The following RIMS1 variants were observed in gnomAD, a reference collection of about 807,000 sequenced individuals.
The protein encoded by RIMS1 is regulating synaptic membrane exocytosis 1, also known as regulating synaptic membrane exocytosis protein 1.
RIMS1 carries 83 observed loss-of-function variants against 214.1 expected under a neutral mutation model. The observed-to-expected ratio is 0.39, with a 90% confidence interval of 0.32 to 0.47. The LOEUF is 0.47. Ranked by LOEUF, RIMS1 falls within the 20% of genes least tolerant of loss-of-function variation. The probability of loss-of-function intolerance (pLI) is 0.99; values close to 1 mark genes in which losing one functional copy is unlikely to be tolerated. For missense variants in RIMS1, 2,050 were observed against 2,161.8 expected (o/e 0.95, Z 1.03); for synonymous variants, 793 against 786.8 (o/e 1.01, Z -0.13).
intron 28 of RIMS1, among the ~76,000 whole-genome samples, chr6:72,318,803 A>G (rs994012599): frequency 1.3e-5 from 2 of 152,294 alleles, no homozygotes; most frequent in East Asian, 3.9e-4. Context: ...CCAAAGATTC[A>G]TCATTCACTT....
At chr6:72,163,497 T>C (rs558064388) in intron 4 of RIMS1, among the ~76,000 whole-genome samples, 1 of 141,308 alleles carries the variant, frequency 7.1e-6, no homozygotes, top group African/African-American at 2.4e-5. Context: ...CTCTGGTTTT[T>C]CCCCACCTTT....
intron 2 of RIMS1, among the ~76,000 whole-genome samples, chr6:72,043,292 G>A (rs1821979342): frequency 6.6e-6 from 1 of 151,722 alleles, no homozygotes; most frequent in African/African-American, 2.4e-5. Flanking sequence ...AAGAGAAAAG[G>A]TATGATAAAG....
intron 9 of RIMS1, among the ~76,000 whole-genome samples, chr6:72,239,721 T>A (rs997601140): frequency 4.6e-5 from 7 of 152,192 alleles, no homozygotes; most frequent in Non-Finnish European, 7.3e-5. Context: ...ACTGACACTC[T>A]GTTTATTATG....
intron 2 of RIMS1, among the ~76,000 whole-genome samples, chr6:71,976,678 A>G (rs1310918727): frequency 6.6e-6 from 1 of 152,108 alleles, no homozygotes; most frequent in Non-Finnish European, 1.5e-5. Context: ...ATCAAATGCC[A>G]TTAAGATTTC....
At chr6:72,008,873 T>C (rs911844424) in intron 2 of RIMS1, among the ~76,000 whole-genome samples, 1 of 152,052 alleles carries the variant, frequency 6.6e-6, no homozygotes. Context: ...ACAATAATAA[T>C]GGGAGACTTT....
At chr6:72,029,964 G>A (rs1817613698) in intron 2 of RIMS1, among the ~76,000 whole-genome samples, 1 of 152,178 alleles carries the variant, frequency 6.6e-6, no homozygotes. Context: ...GGGACAAGAT[G>A]CATGTAGAGA....
rs142713052 is a variant in RIMS1 at position 72,190,651 on chromosome 6, T to C, written c.1678+7502T>C. ...CTGATGAGACCATAGGTGCATGCTG[T>C]GGGGGAGAAGGCAGGGTGGCAGGAG... On this transcript the variant is annotated intron_variant, in intron 6 of 33. Coordinates refer to ENST00000521978, the MANE Select transcript of RIMS1 (RefSeq NM_014989.7). Among the ~76,000 whole-genome samples the C allele has an allele frequency of 7.2e-3, 1,089 of 152,116 alleles. 9 individuals are homozygous for C. Among genetic ancestry groups the C allele is most frequent in the Middle Eastern group, 0.017 (5 of 294 alleles).
chr6:72,206,870 G>A (rs2053013922), intron 6 of RIMS1, among the ~76,000 whole-genome samples: 1 of 152,182 alleles, frequency 6.6e-6, no homozygotes, highest in African/African-American at 2.4e-5. Context: ...AGTGGGTTGG[G>A]TGGCTTCAGC....
chr6:72,351,411 A>G (rs1011070568), intron 29 of RIMS1, among the ~76,000 whole-genome samples: 3 of 152,188 alleles, frequency 2.0e-5, no homozygotes, highest in African/African-American at 7.2e-5. Flanking sequence ...ATAATTACTA[A>G]TAAGAATGGC....
intron 27 of RIMS1, among the ~76,000 whole-genome samples, chr6:72,310,687 T>A (rs2095467597): frequency 6.6e-6 from 1 of 152,254 alleles, no homozygotes; most frequent in South Asian, 2.1e-4. Flanking sequence ...TGAGGAATTA[T>A]GTTCCTCAAA....
At position 72,209,044 on chromosome 6, in the gene RIMS1, C is replaced by CT. The variant is rs553335657; in HGVS notation, c.1679-24725dup. Among the ~76,000 whole-genome samples the CT allele has an allele frequency of 2.4e-3, 371 of 152,238 alleles. 1 individual carries two copies. The highest frequency in any genetic ancestry group is 0.02 in the Middle Eastern group (6 of 294). On this transcript the variant is annotated intron_variant, in intron 6 of 33. Coordinates refer to ENST00000521978, the MANE Select transcript of RIMS1 (RefSeq NM_014989.7). ...TCATTGAAGATCTCTTTTAAACATG[C>CT]TTTTCCTTTAACACACTGTAAAACA...
At chr6:72,397,420 T>C (rs2098792002) in intron 31 of RIMS1, among the ~76,000 whole-genome samples, 1 of 152,246 alleles carries the variant, frequency 6.6e-6, no homozygotes, top group Admixed American at 6.5e-5. Flanking sequence ...TTGATACTGA[T>C]ATTAGACATA....
At position 71,903,186 on chromosome 6, in the gene RIMS1, T is replaced by C. The variant is rs182981941; in HGVS notation, c.164+15999T>C. ...CTTTTTCTCTGCAACCCCACCAGCA[T>C]CTGTTGTTTCTTGACTTTTCAATAA... On this transcript the variant is annotated intron_variant, in intron 1 of 33. Coordinates refer to ENST00000521978, the MANE Select transcript of RIMS1 (RefSeq NM_014989.7). 3.9e-4 allele frequency among the ~76,000 whole-genome samples: 60 copies of C among 152,260 alleles called. 1 individual carries two copies. Among genetic ancestry groups the C allele is most frequent in the Admixed American group, 2.6e-3 (40 of 15,288 alleles).
At position 71,910,230 on chromosome 6, in the gene RIMS1, G is replaced by A. The variant is rs956094514; in HGVS notation, c.164+23043G>A. 2.0e-5 allele frequency among the ~76,000 whole-genome samples: 3 copies of A among 152,020 alleles called. No homozygotes were observed. The East Asian group carries it at 5.8e-4, about 29-fold the overall frequency. On this transcript the variant is annotated intron_variant, in intron 1 of 33. Transcript: ENST00000521978. The stretch of plus-strand genomic sequence containing the variant: ...TCTGTTAGATAAGCTGACAACCTTA[G>A]GTTTAAGTAGAAATACAAAAACTCT...
At chr6:72,390,792 A>AT in intron 30 of RIMS1, 56 bp downstream of exon 30, 4 of 1,581,588 alleles carry the variant, frequency 2.5e-6, no homozygotes, top group Non-Finnish European at 2.6e-6. Flanking sequence ...TGTACTAATC[A>AT]GTAAGATAAC....
intron 2 of RIMS1, among the ~76,000 whole-genome samples, chr6:72,065,248 A>G (rs1314875066): frequency 2.0e-5 from 3 of 152,160 alleles, no homozygotes; most frequent in African/African-American, 7.2e-5. Flanking sequence ...ATTCTTGTCA[A>G]GGCTCCTGTC....
intron 4 of RIMS1, among the ~76,000 whole-genome samples, chr6:72,120,736 G>A (rs2038103230): frequency 6.6e-6 from 1 of 151,800 alleles, no homozygotes; most frequent in Admixed American, 6.6e-5. Context: ...CCATGCCTAT[G>A]TCCTGAATGG....
chr6:72,260,306 G>T (rs553120436), intron 18 of RIMS1, among the ~76,000 whole-genome samples: 2 of 151,986 alleles, frequency 1.3e-5, no homozygotes, highest in African/African-American at 4.8e-5. Flanking sequence ...AAACTATCAC[G>T]CTTTAATTTG....
intron 4 of RIMS1, among the ~76,000 whole-genome samples, chr6:72,150,617 C>G (rs558336571): frequency 6.6e-6 from 1 of 152,280 alleles, no homozygotes; most frequent in South Asian, 2.1e-4. Flanking sequence ...GCTAGTATAG[C>G]CAGAAATGTG....
Sources: gnomAD v4.1 joint callset for allele counts (sites outside exome capture counted in the v4.1 genomes callset) on GRCh38, gnomAD v4.1.1 for gene constraint, MANE v1.5 for transcripts, NCBI Gene and HGNC (gene_info 2026-07-23, HGNC 2026-07-21) for gene names.